Variants in DLGAP2 observed in about 807,000 individuals in gnomAD.
The protein encoded by DLGAP2 is disks large-associated protein 2.
A neutral mutation model predicts 100.3 loss-of-function variants in DLGAP2; 26 were observed. The ratio of observed to expected loss-of-function variants is 0.26; its 90% CI spans 0.19 to 0.36. DLGAP2 has a LOEUF of 0.36. Ranked by LOEUF, DLGAP2 falls within the 10% of genes least tolerant of loss-of-function variation. The pLI, the probability that DLGAP2 is intolerant of heterozygous loss-of-function variation, is 1.00. For synonymous variants in DLGAP2, 886 were observed against 630.1 expected (o/e 1.41, Z -6.08); for missense variants, 1,858 against 1,453.2 (o/e 1.28, Z -4.53).
intron 1 of DLGAP2, among the ~76,000 whole-genome samples, chr8:835,899 C>G (rs1305816623): frequency 2.0e-5 from 3 of 152,112 alleles, no homozygotes; most frequent in Non-Finnish European, 4.4e-5. Flanking sequence ...GTTACGCTGC[C>G]GTAACTGTGA....
chr8:1,120,778 A>G (rs1796019006), intron 2 of DLGAP2, among the ~76,000 whole-genome samples: 1 of 151,726 alleles, frequency 6.6e-6, no homozygotes, highest in Non-Finnish European at 1.5e-5. Context: ...TAGTCATTCT[A>G]GTCCCATCCT....
At chr8:1,206,632 C>T (rs112763337) in intron 2 of DLGAP2, among the ~76,000 whole-genome samples, 73 of 71,136 alleles carry the variant, frequency 1.0e-3, no homozygotes, top group African/African-American at 3.9e-3. Flanking sequence ...AGACTGTGAG[C>T]GGTTAATCTC....
At chr8:828,983 G>A (rs1796733262) in intron 1 of DLGAP2, among the ~76,000 whole-genome samples, 1 of 152,120 alleles carries the variant, frequency 6.6e-6, no homozygotes, top group African/African-American at 2.4e-5. Flanking sequence ...TGAATCACTG[G>A]CTTTTAGTTA....
chr8:1,652,506 G>A (rs1301675083), intron 8 of DLGAP2, among the ~76,000 whole-genome samples: 1 of 152,160 alleles, frequency 6.6e-6, no homozygotes, highest in Non-Finnish European at 1.5e-5. Flanking sequence ...TAGCACTGCT[G>A]CCCACTTGCA....
chr8:874,193 T>G lies in DLGAP2; in HGVS notation c.19-33719T>G, dbSNP rs148700412. Among the ~76,000 whole-genome samples the G allele has an allele frequency of 9.4e-4, 143 of 152,090 alleles. 1 individual carries two copies. Among genetic ancestry groups the G allele is most frequent in the Non-Finnish European group, 1.7e-3 (118 of 68,004 alleles). Reference sequence around the variant, plus strand: ...TCATTTACTTTCTCTTTTTTTCTGTTCTCTATTAGTTTCTGTTTTAATATT... The same window carrying G: ...TCATTTACTTTCTCTTTTTTTCTGTGCTCTATTAGTTTCTGTTTTAATATT... On this transcript the variant is annotated intron_variant, in intron 1 of 14. Transcript: ENST00000637795.
At chr8:1,108,167 G>C (rs546014737) in intron 2 of DLGAP2, among the ~76,000 whole-genome samples, 1 of 152,198 alleles carries the variant, frequency 6.6e-6, no homozygotes, top group East Asian at 1.9e-4. Flanking sequence ...GAAAGGATAG[G>C]AAGGTTGATG....
At chr8:1,541,220 C>A (rs986900482) in intron 4 of DLGAP2, among the ~76,000 whole-genome samples, 1 of 152,128 alleles carries the variant, frequency 6.6e-6, no homozygotes, top group Non-Finnish European at 1.5e-5. Flanking sequence ...TGTGTTTAAT[C>A]CATTTATTTG....
At chr8:1,105,337 G>A (rs1804721407) in intron 2 of DLGAP2, among the ~76,000 whole-genome samples, 1 of 152,232 alleles carries the variant, frequency 6.6e-6, no homozygotes, top group African/African-American at 2.4e-5. Context: ...GGGGTCTCAT[G>A]TTGTGGGGAT....
At chr8:1,228,602 G>A (rs958597483) in intron 2 of DLGAP2, among the ~76,000 whole-genome samples, 1 of 152,138 alleles carries the variant, frequency 6.6e-6, no homozygotes, top group African/African-American at 2.4e-5. Context: ...TACCCAACTA[G>A]ATTTTTTCCA....
chr8:1,188,062 G>A (rs1296086960), intron 2 of DLGAP2, among the ~76,000 whole-genome samples: 3 of 125,720 alleles, frequency 2.4e-5, no homozygotes, highest in Non-Finnish European at 4.8e-5. Context: ...TCACACACCC[G>A]GGACCTCCGT....
intron 3 of DLGAP2, among the ~76,000 whole-genome samples, chr8:1,377,453 A>G (rs568721758): frequency 7.9e-5 from 12 of 152,342 alleles, no homozygotes; most frequent in African/African-American, 2.9e-4. Flanking sequence ...CTGAGACAGG[A>G]TAATGGTGTG....
chr8:1,527,065 G>A (rs1476110912), intron 4 of DLGAP2, among the ~76,000 whole-genome samples: 1 of 152,130 alleles, frequency 6.6e-6, no homozygotes, highest in Non-Finnish European at 1.5e-5. Flanking sequence ...TCTCCTGCGA[G>A]CAGCGGGTGC....
At chr8:1,166,686 C>T (rs1433292204) in intron 2 of DLGAP2, among the ~76,000 whole-genome samples, 3 of 152,138 alleles carry the variant, frequency 2.0e-5, no homozygotes, top group Non-Finnish European at 2.9e-5. Flanking sequence ...CTGATTTAAT[C>T]ACCCCACATT....
At chr8:1,098,575 G>A (rs1017948279) in intron 2 of DLGAP2, among the ~76,000 whole-genome samples, 14 of 151,200 alleles carry the variant, frequency 9.3e-5, no homozygotes, top group Admixed American at 1.3e-4. Context: ...GCCACCCACA[G>A]ACGCCGCGAC....
chr8:1,515,026 C>T (rs576289891), intron 4 of DLGAP2, among the ~76,000 whole-genome samples: 36 of 151,730 alleles, frequency 2.4e-4, no homozygotes, highest in African/African-American at 8.2e-4. Flanking sequence ...GGGAGACCGA[C>T]GTGCAGGGAG....
At chr8:787,157 C>G (rs555256468) in intron 1 of DLGAP2, among the ~76,000 whole-genome samples, 1 of 152,296 alleles carries the variant, frequency 6.6e-6, no homozygotes, top group East Asian at 1.9e-4. Flanking sequence ...ATTCATTTAT[C>G]CAACTTGATG....
intron 4 of DLGAP2, among the ~76,000 whole-genome samples, chr8:1,516,379 GTGAC>G (rs1444953699): frequency 1.7e-4 from 26 of 151,882 alleles, no homozygotes; most frequent in South Asian, 2.1e-4. Context: ...GAGTGAGTGA[GTGAC>G]TGAGTGAATG....
chr8:914,196 G>A (rs1429479047), intron 2 of DLGAP2, among the ~76,000 whole-genome samples: 3 of 152,196 alleles, frequency 2.0e-5, no homozygotes, highest in African/African-American at 7.2e-5. Context: ...AGTGAGAACA[G>A]CAAAAGCAAA....
At chr8:1,173,034 G>C (rs561497528) in intron 2 of DLGAP2, among the ~76,000 whole-genome samples, 19 of 152,254 alleles carry the variant, frequency 1.2e-4, no homozygotes, top group Non-Finnish European at 1.8e-4. Flanking sequence ...GGTCTTTGAT[G>C]ATGGTGATGT....
Sources: gnomAD v4.1 joint callset for allele counts (sites outside exome capture counted in the v4.1 genomes callset) on GRCh38, gnomAD v4.1.1 for gene constraint, MANE v1.5 for transcripts, NCBI Gene and HGNC (gene_info 2026-07-23, HGNC 2026-07-21) for gene names.